Variants in C4orf36 observed in about 807,000 individuals in gnomAD.
C4orf36 encodes the protein uncharacterized protein C4orf36.
A neutral mutation model predicts 12.2 loss-of-function variants in C4orf36; 11 were observed. The observed-to-expected ratio is 0.90, with a 90% CI of 0.57 to 1.49. The LOEUF (loss-of-function observed/expected upper bound fraction) is 1.49, where lower values mean the gene tolerates loss of function less well. Among genes scored for constraint, C4orf36 ranks in the 40% most tolerant of loss-of-function variants. The pLI is 0.00. For synonymous variants in C4orf36, 54 were observed against 51.3 expected, an observed-to-expected ratio of 1.05 and a Z score of -0.22; for missense variants, 137 against 133.9, an observed-to-expected ratio of 1.02 and a Z score of -0.11.
intron 1 of C4orf36, 88 bp from the exon 2 acceptor site, chr4:86,891,681 G>T: frequency 8.0e-7 from 1 of 1,256,428 alleles, no homozygotes; most frequent in Non-Finnish European, 1.1e-6. Context: ...ATGTCAGAAA[G>T]TCCTTAATAA....
the C4orf36 span, among the ~76,000 whole-genome samples, chr4:86,910,986 G>A: frequency 6.6e-6 from 1 of 152,186 alleles, no homozygotes; most frequent in Non-Finnish European, 1.5e-5. Flanking sequence ...AGGGGGCTGA[G>A]GCAGGAGGAT....
upstream of C4orf36, among the ~76,000 whole-genome samples, chr4:86,894,156 C>T (rs1376290890): frequency 2.0e-5 from 3 of 152,130 alleles, no homozygotes; most frequent in African/African-American, 4.8e-5. Flanking sequence ...CTCGGCCTCC[C>T]AAAGTGCTGG....
At chr4:86,879,741 C>A (rs1166665055) in intron 4 of C4orf36, among the ~76,000 whole-genome samples, 3 of 152,042 alleles carry the variant, frequency 2.0e-5, no homozygotes, top group African/African-American at 7.2e-5. Flanking sequence ...ACATTATTAT[C>A]AAACTGTAAA....
At chr4:86,904,200 C>T in the C4orf36 span, among the ~76,000 whole-genome samples, 6 of 152,216 alleles carry the variant, frequency 3.9e-5, no homozygotes, top group African/African-American at 9.6e-5. Context: ...GCCGCCGCGC[C>T]CAGTGCGGGG....
At chr4:86,928,251 G>C in the C4orf36 span, among the ~76,000 whole-genome samples, 1 of 152,226 alleles carries the variant, frequency 6.6e-6, no homozygotes, top group East Asian at 1.9e-4. Flanking sequence ...CCCTAAGGTG[G>C]GGACTAAGGG....
the C4orf36 span, among the ~76,000 whole-genome samples, chr4:86,929,358 T>C: frequency 6.6e-6 from 1 of 152,190 alleles, no homozygotes; most frequent in Admixed American, 6.5e-5. Context: ...ATTTTATTTT[T>C]TATTTTTACT....
At chr4:86,904,860 G>A in the C4orf36 span, among the ~76,000 whole-genome samples, 3 of 152,140 alleles carry the variant, frequency 2.0e-5, no homozygotes, top group African/African-American at 7.2e-5. Flanking sequence ...GGACTGAATT[G>A]TGCCCCCTCA....
chr4:86,889,972 C>A, intron 2 of C4orf36: 1 of 435,386 alleles, frequency 2.3e-6, no homozygotes, highest in Non-Finnish European at 4.6e-6. Flanking sequence ...AGGTGGATCA[C>A]TTGAGGACAG....
the C4orf36 span, among the ~76,000 whole-genome samples, chr4:86,915,406 G>T: frequency 6.6e-6 from 1 of 152,192 alleles, no homozygotes; most frequent in South Asian, 2.1e-4. Context: ...TGATTATTCA[G>T]AAATAGAGTC....
chr4:86,917,546 T>G, the C4orf36 span, among the ~76,000 whole-genome samples: 116 of 102,542 alleles, frequency 1.1e-3, no homozygotes, highest in Non-Finnish European at 2.1e-3. Flanking sequence ...GAAAGAAAAG[T>G]AAGGAAGGAA....
chr4:86,879,762 C>CA (rs774033442), intron 4 of C4orf36, among the ~76,000 whole-genome samples: 1 of 151,774 alleles, frequency 6.6e-6, no homozygotes, highest in Non-Finnish European at 1.5e-5. Context: ...ATGTCAAAGA[C>CA]AAAGAGAGAA....
the C4orf36 span, chr4:86,914,599 C>T: frequency 2.9e-6 from 1 of 347,600 alleles, no homozygotes; most frequent in Non-Finnish European, 5.5e-6. Context: ...GATGGGGTTT[C>T]ACCATCTTGG....
the C4orf36 span, among the ~76,000 whole-genome samples, chr4:86,910,720 C>T: frequency 5.9e-5 from 9 of 152,114 alleles, no homozygotes; most frequent in South Asian, 8.3e-4. Flanking sequence ...CATGGCAAGA[C>T]GGAGAATGGT....
At position 86,885,043 on chromosome 4, in the gene C4orf36, T is replaced by G. The variant is rs527561660; in HGVS notation, c.*2+2715A>C. The stretch of plus-strand genomic sequence containing the variant: ...TGTGGTATTATTTCTGAGGGCTCTG[T>G]TCCATTGGTCTATATCTCTGTTTTG... On this transcript the variant is annotated intron_variant, in intron 4 of 4. Coordinates refer to ENST00000295898, the MANE Select transcript of C4orf36 (RefSeq NM_144645.4). Among the ~76,000 whole-genome samples the G allele has an allele frequency of 2.6e-5, 4 of 152,334 alleles. No homozygotes were observed. In the East Asian group the frequency reaches 7.7e-4, roughly 29 times the overall value.
the C4orf36 span, among the ~76,000 whole-genome samples, chr4:86,900,709 C>CG: frequency 6.6e-6 from 1 of 151,628 alleles, no homozygotes; most frequent in Non-Finnish European, 1.5e-5. Flanking sequence ...AGAAGCTGCC[C>CG]GCCCATGATG....
At chr4:86,924,824 A>C in the C4orf36 span, 3 of 152,244 alleles carry the variant, frequency 2.0e-5, no homozygotes, top group Non-Finnish European at 1.5e-5. Context: ...ATTGCTATAA[A>C]AAATACCTGA....
upstream of C4orf36, among the ~76,000 whole-genome samples, chr4:86,895,812 T>TC (rs1560476126): frequency 6.6e-6 from 1 of 152,108 alleles, no homozygotes; most frequent in Non-Finnish European, 1.5e-5. Flanking sequence ...TTCATCTTTT[T>TC]CCCCCCTGCT....
the C4orf36 span, among the ~76,000 whole-genome samples, chr4:86,932,582 T>C: frequency 2.1e-3 from 323 of 152,166 alleles, 1 homozygote; most frequent in African/African-American, 7.6e-3. Flanking sequence ...TCCCTCCTCA[T>C]GGGCTGTTTA....
chr4:86,889,343 C>A (rs1482339417), intron 2 of C4orf36, among the ~76,000 whole-genome samples: 1 of 121,628 alleles, frequency 8.2e-6, no homozygotes, highest in Non-Finnish European at 1.7e-5. Context: ...AAGAGCAAAA[C>A]TCCGTCTCAA....
Sources: allele counts gnomAD v4.1 joint callset (sites outside exome capture counted in the v4.1 genomes callset), GRCh38; gene constraint gnomAD v4.1.1; transcripts MANE v1.5; gene names NCBI Gene and HGNC (gene_info 2026-07-23, HGNC 2026-07-21).